PHF14: variants seen among roughly 807,000 people sequenced by gnomAD.
The protein encoded by PHF14 is PHD finger protein 14.
Under a neutral mutation model 117.9 loss-of-function variants are expected in PHF14, and 55 were observed. The observed-to-expected ratio is 0.47, with a 90% confidence interval of 0.38 to 0.58. The LOEUF (loss-of-function observed/expected upper bound fraction) is 0.58, where lower values mean the gene tolerates loss of function less well. PHF14 is among the 20% of genes least tolerant of loss of function. The pLI is 0.00. For missense variants in PHF14, 978 were observed against 1,122.2 expected (o/e 0.87, Z 1.84); for synonymous variants, 409 against 368.6 (o/e 1.11, Z -1.26).
intron 4 of PHF14, among the ~76,000 whole-genome samples, chr7:10,992,667 T>TAAAC (rs946379359): frequency 2.0e-5 from 3 of 151,950 alleles, no homozygotes; most frequent in Non-Finnish European, 4.4e-5. Flanking sequence ...TCTCAAAATT[T>TAAAC]AAACAAACAA....
chr7:11,126,656 T>C (rs1196675641), intron 17 of PHF14, among the ~76,000 whole-genome samples: 1 of 151,950 alleles, frequency 6.6e-6, no homozygotes, highest in East Asian at 1.9e-4. Context: ...CATGACAATA[T>C]ATTTTTCAAG....
chr7:11,016,178 C>G (rs1263071704), intron 5 of PHF14, among the ~76,000 whole-genome samples: 1 of 152,058 alleles, frequency 6.6e-6, no homozygotes, highest in African/African-American at 2.4e-5. Flanking sequence ...CTTTTATATA[C>G]TATTTGAACA....
intron 17 of PHF14, among the ~76,000 whole-genome samples, chr7:11,124,159 A>G (rs898689694): frequency 6.6e-6 from 1 of 152,118 alleles, no homozygotes; most frequent in African/African-American, 2.4e-5. Context: ...ATTGTTGAAT[A>G]TTGGAAAAAA....
chr7:11,044,297 A>AC (rs1248381220), intron 13 of PHF14, among the ~76,000 whole-genome samples: 3 of 151,928 alleles, frequency 2.0e-5, no homozygotes, highest in Non-Finnish European at 4.4e-5. Context: ...CTGTGCATAT[A>AC]CCCCCTGATC....
chr7:11,156,415 G>A (rs1266698680), intron 17 of PHF14, among the ~76,000 whole-genome samples: 6 of 152,132 alleles, frequency 3.9e-5, no homozygotes, highest in African/African-American at 1.4e-4. Flanking sequence ...GAAGATTAAT[G>A]GGTTCACTCT....
At chr7:11,034,136 A>T (rs957580846) in intron 7 of PHF14, among the ~76,000 whole-genome samples, 7 of 151,786 alleles carry the variant, frequency 4.6e-5, no homozygotes, top group African/African-American at 1.7e-4. Flanking sequence ...CTTTTTTTTT[A>T]ATATTAAGGA....
At chr7:11,104,643 A>T (rs1390095394) in intron 16 of PHF14, 1 of 980,420 alleles carries the variant, frequency 1.0e-6, no homozygotes, top group African/African-American at 1.8e-5. Flanking sequence ...AGAATGACAT[A>T]ATAGCAAGTA....
At chr7:11,061,282 C>G (rs1785213878) in intron 14 of PHF14, 1 of 152,094 alleles carries the variant, frequency 6.6e-6, no homozygotes, top group Non-Finnish European at 1.5e-5. Flanking sequence ...TTTATGTTAA[C>G]TAGGATTTTG....
intron 17 of PHF14, among the ~76,000 whole-genome samples, chr7:11,119,306 A>G (rs542754092): frequency 3.9e-5 from 6 of 151,908 alleles, no homozygotes; most frequent in Non-Finnish European, 8.8e-5. Context: ...AGGACATTTT[A>G]TTACGGCTTT....
intron 17 of PHF14, among the ~76,000 whole-genome samples, chr7:11,126,563 T>C (rs536930854): frequency 6.6e-6 from 1 of 152,258 alleles, no homozygotes; most frequent in Non-Finnish European, 1.5e-5. Context: ...CTCTTCGTTA[T>C]TTAGCTGTTT....
At chr7:11,038,655 T>C (rs924534674) in intron 10 of PHF14, 105 bp from the exon 11 acceptor site, 8 of 291,234 alleles carry the variant, frequency 2.7e-5, no homozygotes, top group Non-Finnish European at 3.0e-5. Context: ...AGACTCTGTC[T>C]CAAAAAAAAA....
At position 11,161,928 on chromosome 7, in the gene PHF14, C is replaced by A. The variant is rs193223025; in HGVS notation, c.2773-7488C>A. 6.0e-4 allele frequency among the ~76,000 whole-genome samples: 90 copies of A among 150,744 alleles called. 1 individual carries two copies. The highest frequency in any genetic ancestry group is 3.4e-3 in the Middle Eastern group (1 of 290). ...TTTCCCAGATATTAGTAGTTTACTA[C>A]CTGAAGGAAAATTTTCTATTGTCAA... On this transcript the variant is annotated intron_variant, in intron 17 of 17. Transcript: ENST00000634607.
At chr7:11,104,677 G>T in intron 16 of PHF14, 1 of 936,126 alleles carries the variant, frequency 1.1e-6, no homozygotes, top group Non-Finnish European at 1.3e-6. Context: ...GTTGTGCATT[G>T]GAATCACAGG....
At chr7:11,077,120 G>A (rs1030814478) in intron 16 of PHF14, among the ~76,000 whole-genome samples, 5 of 151,898 alleles carry the variant, frequency 3.3e-5, no homozygotes, top group African/African-American at 7.2e-5. Context: ...TCTTTTGGTC[G>A]TTAGTAATGT....
intron 17 of PHF14, among the ~76,000 whole-genome samples, chr7:11,161,577 A>G (rs911842950): frequency 1.3e-5 from 2 of 151,784 alleles, no homozygotes; most frequent in Admixed American, 6.6e-5. Context: ...GATCTTGCCT[A>G]TCTTGAACAT....
At chr7:11,097,024 G>A (rs1016327984) in intron 16 of PHF14, among the ~76,000 whole-genome samples, 2 of 129,724 alleles carry the variant, frequency 1.5e-5, no homozygotes, top group African/African-American at 3.1e-5. Context: ...TTGTTGCCCC[G>A]GCTGGAGTGC....
At chr7:11,117,141 C>G (rs1214918301) in intron 17 of PHF14, among the ~76,000 whole-genome samples, 1 of 151,926 alleles carries the variant, frequency 6.6e-6, no homozygotes, top group Non-Finnish European at 1.5e-5. Flanking sequence ...ACAGACGCCA[C>G]TGAGGATTTA....
intron 3 of PHF14, among the ~76,000 whole-genome samples, chr7:10,985,636 C>CCGGTTTTT (rs750860479): frequency 5.5e-5 from 5 of 90,858 alleles, no homozygotes; most frequent in East Asian, 8.2e-4. Context: ...GATTCTCAAA[C>CCGGTTTTT]TGTTTTTTTT....
At chr7:11,008,774 G>A (rs1201395746) in intron 4 of PHF14, among the ~76,000 whole-genome samples, 1 of 151,964 alleles carries the variant, frequency 6.6e-6, no homozygotes, top group African/African-American at 2.4e-5. Flanking sequence ...GGTGGCTCAC[G>A]CCTGTAATCC....
Sources: gnomAD v4.1 joint callset for allele counts (sites outside exome capture counted in the v4.1 genomes callset) on GRCh38, gnomAD v4.1.1 for gene constraint, MANE v1.5 for transcripts, NCBI Gene and HGNC (gene_info 2026-07-23, HGNC 2026-07-21) for gene names.